Variants in FMNL2 observed in about 807,000 individuals in gnomAD.
FMNL2 encodes the protein formin like 2.
FMNL2 carries 51 observed loss-of-function variants against 130.2 expected under a neutral mutation model. The ratio of observed to expected loss-of-function variants is 0.39; its 90% CI spans 0.31 to 0.49. FMNL2 has a LOEUF of 0.49. Ranked by LOEUF, FMNL2 falls within the 20% of genes least tolerant of loss-of-function variation. The pLI, the probability that FMNL2 is intolerant of heterozygous loss-of-function variation, is 0.85. For synonymous variants in FMNL2, 465 were observed against 467.1 expected, an observed-to-expected ratio of 1.00 and a Z score of 0.06; for missense variants, 977 against 1,316.2, an observed-to-expected ratio of 0.74 and a Z score of 3.99.
At chr2:152,564,038 C>T (rs1054725547) in intron 6 of FMNL2, among the ~76,000 whole-genome samples, 3 of 152,158 alleles carry the variant, frequency 2.0e-5, no homozygotes, top group Non-Finnish European at 4.4e-5. Flanking sequence ...TTTGTGCTGA[C>T]ATGCCATACT....
chr2:152,544,137 C>T (rs1242228146), intron 3 of FMNL2, among the ~76,000 whole-genome samples: 1 of 152,154 alleles, frequency 6.6e-6, no homozygotes, highest in Non-Finnish European at 1.5e-5. Flanking sequence ...TACACCCAGG[C>T]CTGGCACAGT....
At chr2:152,419,824 CA>C (rs945918246) in intron 1 of FMNL2, among the ~76,000 whole-genome samples, 2 of 151,952 alleles carry the variant, frequency 1.3e-5, no homozygotes, top group Non-Finnish European at 2.9e-5. Context: ...GGAGCTTTAT[CA>C]GGGAATACAC....
At chr2:152,459,714 A>T (rs1689141500) in intron 1 of FMNL2, among the ~76,000 whole-genome samples, 1 of 152,220 alleles carries the variant, frequency 6.6e-6, no homozygotes, top group South Asian at 2.1e-4. Context: ...CAGATGAGGT[A>T]TTAAAAATAA....
chr2:152,435,834 T>C (rs549735018), intron 1 of FMNL2, among the ~76,000 whole-genome samples: 1 of 152,212 alleles, frequency 6.6e-6, no homozygotes, highest in African/African-American at 2.4e-5. Flanking sequence ...TGATATTTTA[T>C]AGGAGTTAGA....
At chr2:152,609,359 A>G (rs1307385523) in intron 10 of FMNL2, among the ~76,000 whole-genome samples, 1 of 152,190 alleles carries the variant, frequency 6.6e-6, no homozygotes, top group East Asian at 1.9e-4. Flanking sequence ...GAATCTAACC[A>G]TGTTTTCTCT....
At chr2:152,451,016 A>C (rs766791584) in intron 1 of FMNL2, among the ~76,000 whole-genome samples, 2 of 152,198 alleles carry the variant, frequency 1.3e-5, no homozygotes, top group Non-Finnish European at 2.9e-5. Context: ...CTACGCTTGG[A>C]GTAAGATTTT....
intron 1 of FMNL2, among the ~76,000 whole-genome samples, chr2:152,361,070 G>T (rs557434575): frequency 2.0e-5 from 3 of 152,124 alleles, no homozygotes; most frequent in Admixed American, 6.5e-5. Context: ...TGAGAAAAGG[G>T]CTAAATTTTA....
At chr2:152,369,519 C>T (rs1683753032) in intron 1 of FMNL2, among the ~76,000 whole-genome samples, 2 of 152,204 alleles carry the variant, frequency 1.3e-5, no homozygotes, top group East Asian at 1.9e-4. Flanking sequence ...GCCTGAATCC[C>T]TGCTAATCCT....
At chr2:152,422,749 G>A (rs1427583718) in intron 1 of FMNL2, among the ~76,000 whole-genome samples, 2 of 152,084 alleles carry the variant, frequency 1.3e-5, no homozygotes, top group Non-Finnish European at 2.9e-5. Flanking sequence ...GGCTGGTCTT[G>A]AACTCCTGAG....
intron 9 of FMNL2, among the ~76,000 whole-genome samples, chr2:152,589,011 T>C (rs1482855305): frequency 6.6e-6 from 1 of 151,710 alleles, no homozygotes; most frequent in Admixed American, 6.6e-5. Context: ...CTTGGGCTCC[T>C]TTCTCCACCG....
Position 152,341,647 on chromosome 2 carries a change from C to T in FMNL2, c.117+5927C>T, listed in dbSNP as rs114237087. Among the ~76,000 whole-genome samples, 849 of 152,182 alleles carry T rather than the reference C, an allele frequency of 5.6e-3. 8 individuals carry two copies. Among genetic ancestry groups the T allele is most frequent in the African/African-American group, 0.018 (766 of 41,512 alleles). ...AATTTGGCACAATTGTTAACATAGT[C>T]GTGAGATGATGGAAATCATACCACT... On this transcript the variant is annotated intron_variant, in intron 1 of 25. Coordinates refer to ENST00000288670, the MANE Select transcript of FMNL2 (RefSeq NM_052905.4).
intron 7 of FMNL2, among the ~76,000 whole-genome samples, chr2:152,577,732 G>A (rs1333187037): frequency 2.0e-5 from 3 of 152,168 alleles, no homozygotes; most frequent in African/African-American, 4.8e-5. Flanking sequence ...TTGGCCATTG[G>A]CTTCAGCAAA....
chr2:152,498,251 T>C (rs1403534462), intron 1 of FMNL2, among the ~76,000 whole-genome samples: 2 of 152,220 alleles, frequency 1.3e-5, no homozygotes, highest in Non-Finnish European at 2.9e-5. Flanking sequence ...TGTAGCATAC[T>C]ATAGGTAGAA....
At chr2:152,340,682 G>A (rs1277842960) in intron 1 of FMNL2, among the ~76,000 whole-genome samples, 1 of 152,024 alleles carries the variant, frequency 6.6e-6, no homozygotes, top group Non-Finnish European at 1.5e-5. Context: ...AGGTCAAGTT[G>A]TTGTTTTTTT....
chr2:152,599,405 C>CTTTTT (rs35753197), intron 9 of FMNL2, among the ~76,000 whole-genome samples: 776 of 45,060 alleles, frequency 0.017, 183 homozygotes, highest in East Asian at 0.039. Context: ...TGAAGGTCAT[C>CTTTTT]TTTTTTTTTT....
chr2:152,621,708 T>G lies in FMNL2; in HGVS notation c.1837+1990T>G, dbSNP rs191270437. Among the ~76,000 whole-genome samples, 462 of 152,354 alleles carry G rather than the reference T, an allele frequency of 3.0e-3. 5 individuals are homozygous for G. The highest frequency in any genetic ancestry group is 6.8e-3 in the Middle Eastern group (2 of 294). On this transcript the variant is annotated intron_variant, in intron 15 of 25. Transcript: ENST00000288670. ...AAGGCCTTTAATCTTTCTTTATTAT[T>G]CATCCTTATTTAGACTGTTAATTCT...
At chr2:152,434,371 T>C (rs1053788339) in intron 1 of FMNL2, among the ~76,000 whole-genome samples, 8 of 152,088 alleles carry the variant, frequency 5.3e-5, no homozygotes, top group Non-Finnish European at 1.2e-4. Context: ...TTGAAAACTG[T>C]GTTTGGGGTT....
chr2:152,522,626 TA>T (rs1239479028), intron 2 of FMNL2, among the ~76,000 whole-genome samples: 1 of 152,128 alleles, frequency 6.6e-6, no homozygotes, highest in African/African-American at 2.4e-5. Flanking sequence ...ATGGTTATCA[TA>T]AGGGGGCGTT....
chr2:152,625,274 C>CA, intron 15 of FMNL2, 164 bp from the exon 16 acceptor site: 1 of 718,286 alleles, frequency 1.4e-6, no homozygotes, highest in African/African-American at 1.8e-5. Flanking sequence ...TGGCTCTGGC[C>CA]AAGGCCATGT....
Sources: allele counts gnomAD v4.1 joint callset (sites outside exome capture counted in the v4.1 genomes callset), GRCh38; gene constraint gnomAD v4.1.1; transcripts MANE v1.5; gene names NCBI Gene and HGNC (gene_info 2026-07-23, HGNC 2026-07-21).